Variants in MGAT5B observed in about 807,000 individuals in gnomAD.
MGAT5B encodes alpha-1,6-mannosylglycoprotein 6-beta-N-acetylglucosaminyltransferase B, also known as N-acetylglucosaminyl-transferase Vb.
MGAT5B carries 54 observed loss-of-function variants against 95.1 expected under a neutral mutation model. The ratio of observed to expected loss-of-function variants is 0.57; its 90% CI spans 0.46 to 0.71. The LOEUF is 0.71. Among genes scored for constraint, MGAT5B ranks in the 30% least tolerant of loss-of-function variants. The pLI is 0.00. For missense variants in MGAT5B, 935 were observed against 1,088.6 expected (o/e 0.86, Z 1.99); for synonymous variants, 464 against 451.0 (o/e 1.03, Z -0.36).
chr17:76,893,639 G>A (rs1034307923), intron 3 of MGAT5B, among the ~76,000 whole-genome samples: 6 of 152,224 alleles, frequency 3.9e-5, no homozygotes, highest in Admixed American at 2.6e-4. Flanking sequence ...CCCCCGTGCC[G>A]GGGTAGATTG....
In MGAT5B at chr17:76,932,794, C is replaced by T. The variant is rs748242041; in HGVS notation, c.1422+19C>T. The T allele has an allele frequency of 6.8e-6, 11 of 1,612,448 alleles. No homozygotes were observed. The highest frequency in any genetic ancestry group is 4.4e-5 in the South Asian group (4 of 90,974). On this transcript the variant is annotated intron_variant, in intron 11 of 17. Transcript: ENST00000569840. ...CTGGAAGGTGAGCGCGGCCCCTGCG[C>T]GCGGGAAGCACCAGCCTGCTCGGCA... is the stretch of plus-strand genomic sequence containing the variant.
intron 15 of MGAT5B, among the ~76,000 whole-genome samples, chr17:76,943,612 A>T (rs1252962650): frequency 1.2e-5 from 1 of 84,544 alleles, no homozygotes; most frequent in African/African-American, 5.7e-5. Flanking sequence ...TTGAATAGAG[A>T]TGGGGTGGGG....
At chr17:76,902,472 G>A (rs1361162504) in intron 3 of MGAT5B, 83 bp from the exon 4 acceptor site, 6 of 995,766 alleles carry the variant, frequency 6.0e-6, no homozygotes, top group Non-Finnish European at 9.1e-6. Context: ...TGCCGCCTTT[G>A]CCTGTGGGCC....
At chr17:76,872,544 G>A in intron 1 of MGAT5B, 4 of 915,324 alleles carry the variant, frequency 4.4e-6, no homozygotes, top group Non-Finnish European at 6.3e-6. Context: ...GCACTTTCAG[G>A]ACTGCAGCTG....
rs542241285 is a variant in MGAT5B at position 76,873,200 on chromosome 17, G to A, written c.181+237G>A. 1.4e-3 allele frequency among the ~76,000 whole-genome samples: 212 copies of A among 152,376 alleles called. 1 individual carries two copies. The highest frequency in any genetic ancestry group is 4.1e-3 in the African/African-American group (172 of 41,586). ...AGGCCAGGCTAGGGCCTTTAAGCCA[G>A]GGTCTTCCAGGCCTCAGAAGAGGCT... On this transcript the variant is annotated intron_variant, in intron 2 of 17. Transcript: ENST00000569840.
At chr17:76,887,700 T>C in intron 3 of MGAT5B, among the ~76,000 whole-genome samples, 1 of 151,094 alleles carries the variant, frequency 6.6e-6, no homozygotes. Context: ...ATTACAGGCG[T>C]GCACCACCAT....
In MGAT5B at chr17:76,912,800, G is replaced by A. The variant is rs1470902108; in HGVS notation, c.1025+6613G>A. ...GTGATGTCAGCCAGTCCCCGCCCGCGCCCCGCCGTGTGCGGAGGGAAGAAG... is the reference window on the plus strand; with the variant it reads ...GTGATGTCAGCCAGTCCCCGCCCGCACCCCGCCGTGTGCGGAGGGAAGAAG... On this transcript the variant is annotated intron_variant, in intron 8 of 17. Transcript: ENST00000569840. The surrounding 1 kb of genome is among the most constrained non-coding windows in gnomAD (Gnocchi z 5.0). Among the ~76,000 whole-genome samples, 3 of 152,158 alleles carry A rather than the reference G, an allele frequency of 2.0e-5. No individual in the cohort carries two copies. The highest frequency in any genetic ancestry group is 4.4e-5 in the Non-Finnish European group (3 of 68,034).
chr17:76,884,024 C>T (rs1967529947), intron 3 of MGAT5B, among the ~76,000 whole-genome samples: 1 of 152,220 alleles, frequency 6.6e-6, no homozygotes, highest in Non-Finnish European at 1.5e-5. Flanking sequence ...GTCCTGGATG[C>T]CTGGTAGGCC....
At chr17:76,900,556 C>T (rs948468822) in intron 3 of MGAT5B, among the ~76,000 whole-genome samples, 6 of 152,204 alleles carry the variant, frequency 3.9e-5, no homozygotes, top group Non-Finnish European at 8.8e-5. Context: ...GTGGAGCAGC[C>T]ACGGGCTGAG....
chr17:76,946,482 C>A, intron 16 of MGAT5B, 32 bp downstream of exon 16: 1 of 1,540,304 alleles, frequency 6.5e-7, no homozygotes, highest in Admixed American at 1.9e-5. Flanking sequence ...TGCCCCAGAT[C>A]CTGTCAGACC....
At chr17:76,921,108 C>T (rs1415458393) in intron 8 of MGAT5B, among the ~76,000 whole-genome samples, 1 of 151,928 alleles carries the variant, frequency 6.6e-6, no homozygotes, top group Non-Finnish European at 1.5e-5. Context: ...GAGGAGGAGG[C>T]AATATTTGAG....
chr17:76,943,035 C>T (rs1335735786), intron 15 of MGAT5B, among the ~76,000 whole-genome samples: 1 of 130,906 alleles, frequency 7.6e-6, no homozygotes, highest in African/African-American at 3.0e-5. Flanking sequence ...GGATAACTTG[C>T]CCCCCCGGGA....
intron 3 of MGAT5B, among the ~76,000 whole-genome samples, chr17:76,898,342 T>A (rs1304173310): frequency 6.6e-6 from 1 of 151,394 alleles, no homozygotes; most frequent in Non-Finnish European, 1.5e-5. Flanking sequence ...ATTTTTTTTT[T>A]TTTTTGAGAC....
At chr17:76,878,344 C>T (rs1967272525) in intron 2 of MGAT5B, among the ~76,000 whole-genome samples, 1 of 152,126 alleles carries the variant, frequency 6.6e-6, no homozygotes, top group Non-Finnish European at 1.5e-5. Context: ...TCCTGAGCCC[C>T]TGGCACGGGG....
rs574087264 is a variant in MGAT5B at position 76,912,626 on chromosome 17, G to A, written c.1025+6439G>A. Among the ~76,000 whole-genome samples, 5 of 152,188 alleles carry A rather than the reference G, an allele frequency of 3.3e-5. No homozygotes were observed. The highest frequency in any genetic ancestry group is 4.2e-4 in the South Asian group (2 of 4,790). On this transcript the variant is annotated intron_variant, in intron 8 of 17. Coordinates refer to ENST00000569840, the MANE Select transcript of MGAT5B (RefSeq NM_001199172.2). This position sits in a 1 kb window ranked among gnomAD's most constrained non-coding sequence, Gnocchi z 5.0. The stretch of plus-strand genomic sequence containing the variant: ...ATGAGCCGGTCCCGCTCTGCTCCTC[G>A]GGTCTCGGTGTTTCAATTAACTGGC...
At position 76,869,844 on chromosome 17, in the gene MGAT5B, G is replaced by A. The variant is rs1265101921; in HGVS notation, c.68+747G>A. Among the ~76,000 whole-genome samples the A allele has an allele frequency of 2.0e-5, 3 of 152,070 alleles. No homozygotes were observed. The highest frequency in any genetic ancestry group is 7.2e-5 in the African/African-American group (3 of 41,434). On this transcript the variant is annotated intron_variant, in intron 1 of 17. Transcript: ENST00000569840. This position sits in a 1 kb window ranked among gnomAD's most constrained non-coding sequence, Gnocchi z 7.0. ...GCCCAGGCCAGGCAGGGCTGGGGCC[G>A]CGCGGGACTCACTGGACCCAGCCAG...
intron 3 of MGAT5B, among the ~76,000 whole-genome samples, chr17:76,893,785 T>G (rs377731992): frequency 3.3e-5 from 5 of 152,306 alleles, no homozygotes; most frequent in South Asian, 4.1e-4. Flanking sequence ...GAAATAGCCC[T>G]GAAAGTCCCA....
At chr17:76,899,206 C>A (rs999463830) in intron 3 of MGAT5B, among the ~76,000 whole-genome samples, 3 of 152,162 alleles carry the variant, frequency 2.0e-5, no homozygotes, top group African/African-American at 7.2e-5. Flanking sequence ...GCCCTGGGGT[C>A]TCTGGTTAGA....
chr17:76,905,966 G>A lies in MGAT5B; in HGVS notation c.856-52G>A. 6.6e-7 allele frequency: 1 copy of A among 1,513,716 alleles called. No homozygotes were observed. The highest frequency in any genetic ancestry group is 8.8e-7 in the Non-Finnish European group (1 of 1,134,752). The allele number at this position is 1,513,716 out of a possible 1,614,324, so 93.8% of individuals were successfully genotyped here. A position where few individuals can be genotyped will look rare whatever the true frequency, so the allele number is the denominator to read the frequency against. Reference sequence around the variant, plus strand: ...CCTGGCCGGTGCCCCGGGGGGGCGGGGCTCAGAGCTGCTGCTCCTCTCTGC... The same window carrying A: ...CCTGGCCGGTGCCCCGGGGGGGCGGAGCTCAGAGCTGCTGCTCCTCTCTGC... On this transcript the variant is annotated intron_variant, in intron 7 of 17. Transcript: ENST00000569840. This position sits in a 1 kb window ranked among gnomAD's most constrained non-coding sequence, Gnocchi z 4.2.
Sources: allele counts gnomAD v4.1 joint callset (sites outside exome capture counted in the v4.1 genomes callset), GRCh38; gene constraint gnomAD v4.1.1; non-coding constraint Gnocchi (gnomAD v3.1); transcripts MANE v1.5; gene names NCBI Gene and HGNC (gene_info 2026-07-23, HGNC 2026-07-21).